Variants in ASPRV1 observed in about 807,000 individuals in gnomAD.
The protein encoded by ASPRV1 is retroviral-like aspartic protease 1.
A neutral mutation model predicts 11.0 loss-of-function variants in ASPRV1; 7 were observed. The observed-to-expected ratio is 0.64, with a 90% CI of 0.36 to 1.20. The LOEUF is 1.20. Among genes scored for constraint, ASPRV1 ranks in the 50% most tolerant of loss-of-function variants. ASPRV1 has a pLI of 0.02. For synonymous variants in ASPRV1, 136 were observed against 138.4 expected (o/e 0.98, Z 0.12); for missense variants, 299 against 320.0 (o/e 0.93, Z 0.50).
chr2:70,056,374 G>A, the ASPRV1 span: 1 of 152,076 alleles, frequency 6.6e-6, no homozygotes, highest in African/African-American at 2.4e-5. Context: ...GAGAGGCCGA[G>A]GCGGGCGGAT....
chr2:70,076,182 G>A, the ASPRV1 span, among the ~76,000 whole-genome samples: 2 of 152,160 alleles, frequency 1.3e-5, no homozygotes, highest in Non-Finnish European at 2.9e-5. Context: ...ACTCAAGCCT[G>A]ACCTTTACCC....
the ASPRV1 span, among the ~76,000 whole-genome samples, chr2:70,040,809 G>A: frequency 6.6e-6 from 1 of 152,102 alleles, no homozygotes; most frequent in Non-Finnish European, 1.5e-5. Flanking sequence ...ATTCCAGCCT[G>A]GGTGACAGAG....
At chr2:70,001,624 G>A in the ASPRV1 span, among the ~76,000 whole-genome samples, 5 of 152,116 alleles carry the variant, frequency 3.3e-5, no homozygotes, top group African/African-American at 1.2e-4. Context: ...GCCAGGCATG[G>A]TGGCACATAC....
At chr2:69,970,368 T>A in the ASPRV1 span, among the ~76,000 whole-genome samples, 1 of 152,120 alleles carries the variant, frequency 6.6e-6, no homozygotes, top group Non-Finnish European at 1.5e-5. Flanking sequence ...TGGCTCTTCA[T>A]CCCAAAATAA....
the ASPRV1 span, among the ~76,000 whole-genome samples, chr2:70,071,360 T>C: frequency 6.6e-6 from 1 of 152,228 alleles, no homozygotes; most frequent in African/African-American, 2.4e-5. Context: ...TGCAAATATG[T>C]CTTACACATA....
the ASPRV1 span, among the ~76,000 whole-genome samples, chr2:70,064,713 G>A: frequency 6.6e-6 from 1 of 152,174 alleles, no homozygotes; most frequent in African/African-American, 2.4e-5. Flanking sequence ...ATAGGACAAA[G>A]AAAGTTGTTT....
the ASPRV1 span, among the ~76,000 whole-genome samples, chr2:69,953,553 G>T: frequency 6.6e-6 from 1 of 152,156 alleles, no homozygotes; most frequent in Non-Finnish European, 1.5e-5. Context: ...GACCTGCAGG[G>T]TCCTCTTTCT....
At chr2:70,073,579 T>C in the ASPRV1 span, among the ~76,000 whole-genome samples, 1 of 152,134 alleles carries the variant, frequency 6.6e-6, no homozygotes, top group African/African-American at 2.4e-5. Context: ...GACACATGAA[T>C]GTGTTTAAAA....
the ASPRV1 span, among the ~76,000 whole-genome samples, chr2:69,996,011 C>G: frequency 6.6e-6 from 1 of 152,124 alleles, no homozygotes; most frequent in Non-Finnish European, 1.5e-5. Context: ...GGTGGGGTAT[C>G]AGCATAACAT....
chr2:70,004,197 A>C, the ASPRV1 span, among the ~76,000 whole-genome samples: 86 of 152,236 alleles, frequency 5.6e-4, no homozygotes, highest in Non-Finnish European at 1.1e-3. Flanking sequence ...GAAAAGCAGA[A>C]GAGGAATAGG....
chr2:69,951,483 G>GTGTGTGTA, the ASPRV1 span, among the ~76,000 whole-genome samples: 2 of 86,902 alleles, frequency 2.3e-5, no homozygotes, highest in African/African-American at 1.1e-4. Context: ...GTGTGTGTGT[G>GTGTGTGTA]TATATCTATA....
Position 69,961,187 on chromosome 2 carries a change from G to A in ASPRV1, c.250C>T (p.Leu84Phe), listed in dbSNP as rs1572875901. Residue 84 changes from leucine to phenylalanine, a missense_variant, in exon 1 of 1, where the codon CTC becomes TTC. Leu to Phe is a conservative substitution (Grantham distance 22). Transcript: ENST00000320256. ...CCAGGGACCCCAAAGGCCTTCAGGA[G>A]GGCCTCTTTCACAGTCCCATAGTCT... ...QGDYGTVKEALLKAFGVPGAA... is the reference protein window; with the variant it reads ...QGDYGTVKEAFLKAFGVPGAA... The A allele has an allele frequency of 1.2e-6, 2 of 1,613,794 alleles. No homozygotes were observed. Among genetic ancestry groups the A allele is most frequent in the South Asian group, 2.2e-5 (2 of 91,066 alleles).
chr2:70,065,457 AAT>A, the ASPRV1 span, among the ~76,000 whole-genome samples: 1 of 152,070 alleles, frequency 6.6e-6, no homozygotes, highest in South Asian at 2.1e-4. Context: ...ACTATAAACA[AAT>A]ATGTAAATAA....
At chr2:70,015,138 T>C in the ASPRV1 span, among the ~76,000 whole-genome samples, 1 of 152,184 alleles carries the variant, frequency 6.6e-6, no homozygotes, top group Non-Finnish European at 1.5e-5. Context: ...GACCCAACTA[T>C]ATGTGGCCTA....
At chr2:70,039,397 G>A in the ASPRV1 span, among the ~76,000 whole-genome samples, 4 of 152,130 alleles carry the variant, frequency 2.6e-5, no homozygotes, top group Non-Finnish European at 5.9e-5. Context: ...CAGAGCTCCT[G>A]GGAATTTGAA....
the ASPRV1 span, among the ~76,000 whole-genome samples, chr2:70,073,621 G>A: frequency 1.3e-5 from 2 of 152,182 alleles, no homozygotes; most frequent in African/African-American, 4.8e-5. Context: ...AAAAAGGAAA[G>A]GTGGAGATGG....
the ASPRV1 span, among the ~76,000 whole-genome samples, chr2:69,983,812 T>C: frequency 6.6e-6 from 1 of 152,138 alleles, no homozygotes; most frequent in Non-Finnish European, 1.5e-5. Flanking sequence ...GAGGGGGAAC[T>C]ACTTCTCCCC....
chr2:69,934,237 A>C, the ASPRV1 span, among the ~76,000 whole-genome samples: 1 of 152,226 alleles, frequency 6.6e-6, no homozygotes, highest in African/African-American at 2.4e-5. Flanking sequence ...GTGCTTAGAA[A>C]ATAGAGGAAT....
the ASPRV1 span, among the ~76,000 whole-genome samples, chr2:69,967,083 C>G: frequency 6.6e-6 from 1 of 152,214 alleles, no homozygotes; most frequent in Non-Finnish European, 1.5e-5. Context: ...GTGTCAGGCA[C>G]TCAGAGAGTC....
Sources: allele counts gnomAD v4.1 joint callset (sites outside exome capture counted in the v4.1 genomes callset), GRCh38; gene constraint gnomAD v4.1.1; transcripts MANE v1.5; gene names NCBI Gene and HGNC (gene_info 2026-07-23, HGNC 2026-07-21).